The following CFAP54 variants were observed in gnomAD, a reference collection of about 807,000 sequenced individuals.
CFAP54 encodes cilia- and flagella-associated protein 54.
A neutral mutation model predicts 370.4 loss-of-function variants in CFAP54; 290 were observed. The ratio of observed to expected loss-of-function variants is 0.78; its 90% CI spans 0.71 to 0.86. The LOEUF is 0.86. Among genes scored for constraint, CFAP54 ranks in the 40% least tolerant of loss-of-function variants. The probability of loss-of-function intolerance (pLI) is 0.00; values close to 1 mark genes in which losing one functional copy is unlikely to be tolerated. For missense variants in CFAP54, 3,399 were observed against 3,528.7 expected, an observed-to-expected ratio of 0.96 and a Z score of 0.93; for synonymous variants, 1,206 against 1,236.5, an observed-to-expected ratio of 0.98 and a Z score of 0.52.
intron 1 of CFAP54, among the ~76,000 whole-genome samples, chr12:96,494,635 T>TCCCTTG (rs1954927693): frequency 2.6e-5 from 4 of 152,094 alleles, no homozygotes; most frequent in Non-Finnish European, 5.9e-5. Context: ...CTGATGATCA[T>TCCCTTG]ATCCAAAGGG....
At chr12:96,673,681 G>A (rs1430671691) in intron 39 of CFAP54, among the ~76,000 whole-genome samples, 1 of 152,268 alleles carries the variant, frequency 6.6e-6, no homozygotes, top group East Asian at 1.9e-4. Flanking sequence ...TCATCACCCT[G>A]ATATGTTTGC....
chr12:96,570,961 C>T (rs1955911758), intron 19 of CFAP54, among the ~76,000 whole-genome samples: 1 of 152,146 alleles, frequency 6.6e-6, no homozygotes, highest in South Asian at 2.1e-4. Flanking sequence ...TCTCAGGATT[C>T]TTGGATATGA....
chr12:96,613,090 A>G (rs1404517526), intron 26 of CFAP54, among the ~76,000 whole-genome samples: 1 of 152,252 alleles, frequency 6.6e-6, no homozygotes. Flanking sequence ...AACACATTGC[A>G]CTTATTCCAA....
intron 67 of CFAP54, among the ~76,000 whole-genome samples, chr12:96,868,168 C>T (rs1004722170): frequency 3.9e-5 from 6 of 152,200 alleles, no homozygotes; most frequent in African/African-American, 1.2e-4. Flanking sequence ...CATAGGTGCT[C>T]TTATCACACT....
At chr12:96,750,604 G>T (rs190801264) in intron 55 of CFAP54, among the ~76,000 whole-genome samples, 43 of 152,158 alleles carry the variant, frequency 2.8e-4, no homozygotes, top group South Asian at 1.0e-3. Context: ...TCTATTTTCA[G>T]TCTACAGTTT....
chr12:96,688,478 C>T (rs1272375022), intron 42 of CFAP54, among the ~76,000 whole-genome samples: 1 of 152,136 alleles, frequency 6.6e-6, no homozygotes, highest in African/African-American at 2.4e-5. Context: ...CAATGTTTAC[C>T]TCAGCATTGG....
chr12:96,524,608 T>C (rs1321547942), intron 8 of CFAP54, among the ~76,000 whole-genome samples: 1 of 152,140 alleles, frequency 6.6e-6, no homozygotes, highest in Non-Finnish European at 1.5e-5. Context: ...AGAAAAACAT[T>C]CCAAGTGAAG....
At chr12:96,723,038 T>C (rs560250565) in intron 50 of CFAP54, among the ~76,000 whole-genome samples, 76 of 152,278 alleles carry the variant, frequency 5.0e-4, no homozygotes, top group African/African-American at 1.7e-3. Context: ...ACAGTGTTAT[T>C]CAAATCTTCC....
Position 96,592,546 on chromosome 12 carries a change from G to A in CFAP54, c.3269G>A (p.Arg1090Lys). 1 of 1,111,378 alleles carries A rather than the reference G, an allele frequency of 9.0e-7. No homozygotes were observed. Among genetic ancestry groups the A allele is most frequent in the Non-Finnish European group, 1.2e-6 (1 of 800,476 alleles). 68.8% of individuals were successfully genotyped at this position (1,111,378 alleles called of 1,614,324 possible). A position where few individuals can be genotyped will look rare whatever the true frequency, so the allele number is the denominator to read the frequency against. Residue 1090 changes from arginine (R) to lysine (K), a missense_variant, in exon 24 of 68, where the codon AGA becomes AAA. Physicochemically the swap from Arg to Lys is conservative, Grantham distance 26. This residue lies in a region of CFAP54 where 2,796 missense variants were observed against 2,869.7 expected (regional missense o/e 0.97). Transcript: ENST00000524981. Reference sequence around the variant, plus strand: ...TCAATCCTCTTGTACCTTTTTCTTAGAAATATTTTTGTAACAAGTGACATC... The same window carrying A: ...TCAATCCTCTTGTACCTTTTTCTTAAAAATATTTTTGTAACAAGTGACATC... Reference protein sequence around the residue: ...TSSILLYLFLRNIFVTSDIKI... With the variant: ...TSSILLYLFLKNIFVTSDIKI...
At chr12:96,522,725 C>A (rs559651437) in intron 8 of CFAP54, among the ~76,000 whole-genome samples, 1 of 152,146 alleles carries the variant, frequency 6.6e-6, no homozygotes, top group Non-Finnish European at 1.5e-5. Flanking sequence ...AGGGGCTCTG[C>A]CTTACAAAAG....
intron 26 of CFAP54, among the ~76,000 whole-genome samples, chr12:96,601,198 G>A (rs1233823054): frequency 6.6e-6 from 1 of 152,178 alleles, no homozygotes; most frequent in Non-Finnish European, 1.5e-5. Context: ...GGCCTTTTCT[G>A]CATCTATTGA....
chr12:96,591,318 G>C (rs931640176), intron 23 of CFAP54, among the ~76,000 whole-genome samples: 1 of 152,048 alleles, frequency 6.6e-6, no homozygotes, highest in Admixed American at 6.6e-5. Flanking sequence ...TAGCATGATA[G>C]GCCGGAAATC....
intron 44 of CFAP54, among the ~76,000 whole-genome samples, chr12:96,692,708 A>G (rs17025728): frequency 0.019 from 2,966 of 152,332 alleles, 110 homozygotes; most frequent in African/African-American, 0.068. Context: ...GAGGTTCCCC[A>G]GGTGAAATTG....
chr12:96,526,658 A>G (rs76301951), intron 8 of CFAP54, among the ~76,000 whole-genome samples: 11,579 of 152,232 alleles, frequency 0.076, 611 homozygotes, highest in Admixed American at 0.13. Context: ...ATGGAGATAT[A>G]TGCTTGCTTA....
intron 4 of CFAP54, among the ~76,000 whole-genome samples, chr12:96,510,759 C>G (rs984035886): frequency 4.6e-5 from 7 of 151,678 alleles, no homozygotes; most frequent in African/African-American, 1.5e-4. Flanking sequence ...GTCAGGAGTT[C>G]GAGACCAGCC....
rs765478691 is a variant in CFAP54 at position 96,538,474 on chromosome 12, A to G, written c.1882A>G (p.Arg628Gly). ...AGGAATTCAGCGGCTCAATATATCCAGAAATGACTATGCAAAATTCACCCA... is the reference window on the plus strand; with the variant it reads ...AGGAATTCAGCGGCTCAATATATCCGGAAATGACTATGCAAAATTCACCCA... ...KLGIQRLNIS[R>G]NDYAKFTQKI... Residue 628 changes from arginine to glycine, a missense_variant, in exon 13 of 68, where the codon AGA becomes GGA. By Grantham distance (125) the Arg-to-Gly change is moderately radical (BLOSUM62 -2). This residue lies in a region of CFAP54 where 2,796 missense variants were observed against 2,869.7 expected (regional missense o/e 0.97). Coordinates refer to ENST00000524981, the MANE Select transcript of CFAP54 (RefSeq NM_001306084.2). The G allele has an allele frequency of 1.6e-4, 240 of 1,536,238 alleles. 2 individuals are homozygous for G. The South Asian group carries it at 2.8e-3, about 18-fold the overall frequency.
At chr12:96,695,271 C>T (rs921215272) in intron 45 of CFAP54, among the ~76,000 whole-genome samples, 2 of 152,148 alleles carry the variant, frequency 1.3e-5, no homozygotes, top group African/African-American at 4.8e-5. Flanking sequence ...GCGTTTTGTC[C>T]CCAAATTTAT....
intron 55 of CFAP54, among the ~76,000 whole-genome samples, chr12:96,747,071 G>A (rs1426394555): frequency 6.6e-6 from 1 of 152,130 alleles, no homozygotes; most frequent in Non-Finnish European, 1.5e-5. Context: ...TACGACATAA[G>A]CTTCTTAAGG....
At chr12:96,693,983 G>A (rs1277296907) in intron 45 of CFAP54, among the ~76,000 whole-genome samples, 175 bp downstream of exon 45, 4 of 152,180 alleles carry the variant, frequency 2.6e-5, no homozygotes, top group Non-Finnish European at 5.9e-5. Context: ...CAGTCAGAAA[G>A]GTGTAGATTA....
Sources: allele counts gnomAD v4.1 joint callset (sites outside exome capture counted in the v4.1 genomes callset), GRCh38; gene constraint gnomAD v4.1.1; regional missense constraint gnomAD v4.1.1; transcripts MANE v1.5; gene names NCBI Gene and HGNC (gene_info 2026-07-23, HGNC 2026-07-21).